The following RLF variants were observed in gnomAD, a reference collection of about 807,000 sequenced individuals.
RLF encodes the protein zinc finger protein Rlf.
A neutral mutation model predicts 162.9 loss-of-function variants in RLF; 7 were observed. The ratio of observed to expected loss-of-function variants is 0.04; its 90% CI spans 0.02 to 0.08. The LOEUF is 0.08. RLF is among the 10% of genes least tolerant of loss of function. RLF has a pLI of 1.00. For synonymous variants in RLF, 782 were observed against 791.5 expected (o/e 0.99, Z 0.20); for missense variants, 1,664 against 2,244.7 (o/e 0.74, Z 5.23).
chr1:40,185,517 TAAAAAAAAAA>T (rs769379758), intron 1 of RLF, among the ~76,000 whole-genome samples: 2 of 23,738 alleles, frequency 8.4e-5, no homozygotes, highest in East Asian at 2.1e-3. Flanking sequence ...AATCTTGCAT[TAAAAAAAAAA>T]AAAAAAAAAA....
chr1:40,165,753 A>T (rs896754082), intron 1 of RLF, among the ~76,000 whole-genome samples: 5 of 152,084 alleles, frequency 3.3e-5, no homozygotes, highest in African/African-American at 1.2e-4. Context: ...CTTGTTCGTC[A>T]CTTTATTCCC....
chr1:40,239,870 T>A lies in RLF; in HGVS notation c.5168T>A (p.Ile1723Asn). ...FTSFQLPLPR[I>N]KESETRQHSS... The stretch of plus-strand genomic sequence containing the variant: ...AGTTTCCAGCTGCCTTTACCAAGGA[T>A]CAAAGAATCAGAAACTAGGCAGCAT... Residue 1723 changes from isoleucine (I) to asparagine (N), a missense_variant, in exon 8 of 8, where the codon ATC becomes AAC. Physicochemically the swap from Ile to Asn is moderately radical, Grantham distance 149 (BLOSUM62 -3). Around this residue, in one of 15 missense-constraint regions of RLF, gnomAD observed 327 missense variants for 342.7 expected, o/e 0.95. Transcript: ENST00000372771. 6.2e-7 allele frequency: 1 copy of A among 1,613,806 alleles called. No individual in the cohort carries two copies. Among genetic ancestry groups the A allele is most frequent in the South Asian group, 1.1e-5 (1 of 91,082 alleles).
intron 1 of RLF, among the ~76,000 whole-genome samples, chr1:40,163,575 T>G (rs1243331064): frequency 2.6e-5 from 4 of 152,196 alleles, no homozygotes; most frequent in Admixed American, 2.6e-4. Flanking sequence ...AAAGAAAGCA[T>G]GTGTAATTTG....
intron 5 of RLF, among the ~76,000 whole-genome samples, chr1:40,213,418 T>G (rs1043582407): frequency 7.2e-5 from 11 of 152,310 alleles, no homozygotes; most frequent in African/African-American, 2.4e-4. Context: ...ATGGAAGCAT[T>G]GGTGACCATT....
At chr1:40,169,367 A>G (rs947625438) in intron 1 of RLF, among the ~76,000 whole-genome samples, 4 of 152,092 alleles carry the variant, frequency 2.6e-5, no homozygotes, top group Non-Finnish European at 5.9e-5. Flanking sequence ...CTGTAGTCCC[A>G]GCACTTTGGG....
intron 1 of RLF, among the ~76,000 whole-genome samples, chr1:40,179,339 A>G (rs1642374697): frequency 6.6e-6 from 1 of 152,206 alleles, no homozygotes; most frequent in Non-Finnish European, 1.5e-5. Flanking sequence ...TTTACCCAGC[A>G]TGATAAAGTT....
chr1:40,239,467 G>A lies in RLF; in HGVS notation c.4765G>A (p.Val1589Ile), dbSNP rs757684233. 6.2e-7 allele frequency: 1 copy of A among 1,613,942 alleles called. No individual in the cohort carries two copies. The highest frequency in any genetic ancestry group is 8.5e-7 in the Non-Finnish European group (1 of 1,179,992). The change falls in exon 8 of 8, where the codon GTT becomes ATT. Residue 1589 changes from valine to isoleucine, a missense_variant. This residue lies in a region of RLF where 327 missense variants were observed against 342.7 expected (regional missense o/e 0.95). Transcript: ENST00000372771. ...TTTAGAGCAACAGATGGAGAATCTTGTTGTTTGCGTTAAGTACGGTACCAA... is the reference window on the plus strand; with the variant it reads ...TTTAGAGCAACAGATGGAGAATCTTATTGTTTGCGTTAAGTACGGTACCAA... ...AYLEQQMENL[V>I]VCVKYGTKIK...
At position 40,202,825 on chromosome 1, in the gene RLF, T is replaced by G. The variant is rs141248437; in HGVS notation, c.810+211T>G. 7.8e-4 allele frequency among the ~76,000 whole-genome samples: 119 copies of G among 152,270 alleles called. 1 individual carries two copies. Among genetic ancestry groups the G allele is most frequent in the African/African-American group, 2.4e-3 (101 of 41,532 alleles). ...TTGAAAAGTAGATAACTAAAGAATA[T>G]ACAGAGGCATGTTTACTTATTTGGG... On this transcript the variant is annotated intron_variant, in intron 5 of 7. Coordinates refer to ENST00000372771, the MANE Select transcript of RLF (RefSeq NM_012421.4).
At chr1:40,220,800 A>G (rs1642981549) in intron 5 of RLF, among the ~76,000 whole-genome samples, 1 of 152,124 alleles carries the variant, frequency 6.6e-6, no homozygotes, top group Non-Finnish European at 1.5e-5. Context: ...TTTATAGTCT[A>G]GCTGGAGAGC....
chr1:40,236,118 G>T lies in RLF; in HGVS notation c.1416G>T (p.Trp472Cys). 6.2e-7 allele frequency: 1 copy of T among 1,613,950 alleles called. No individual in the cohort carries two copies. Among genetic ancestry groups the T allele is most frequent in the Non-Finnish European group, 8.5e-7 (1 of 1,179,958 alleles). Reference protein sequence around the residue: ...HWPFDPEFWDWKTLKRHCHQL... With the variant: ...HWPFDPEFWDCKTLKRHCHQL... ...CTTTTGATCCTGAGTTTTGGGACTG[G>T]AAAACTTTAAAACGACACTGCCACC... Residue 472 changes from tryptophan (W) to cysteine (C), a missense_variant, in exon 8 of 8, where the codon TGG becomes TGT. Trp to Cys is a radical substitution (Grantham distance 215, BLOSUM62 -2). Coordinates refer to ENST00000372771, the MANE Select transcript of RLF (RefSeq NM_012421.4). This position sits in a 1 kb window ranked among gnomAD's most constrained non-coding sequence, Gnocchi z 7.7.
In RLF at chr1:40,180,587, C is replaced by G. The variant is rs181284998; in HGVS notation, c.238-8468C>G. ...TCTTTTATTTTACATGATAGTCAAT[C>G]CTAATGGGTGCGAAGTCGTATCTCA... On this transcript the variant is annotated intron_variant, in intron 1 of 7. Coordinates refer to ENST00000372771, the MANE Select transcript of RLF (RefSeq NM_012421.4). 1.3e-3 allele frequency among the ~76,000 whole-genome samples: 195 copies of G among 152,174 alleles called. 6 individuals carry two copies. In the South Asian group the frequency reaches 0.027, roughly 21 times the overall value.
At chr1:40,206,183 G>GT (rs1250660108) in intron 5 of RLF, among the ~76,000 whole-genome samples, 1 of 151,854 alleles carries the variant, frequency 6.6e-6, no homozygotes, top group African/African-American at 2.4e-5. Context: ...TTTTATGAGG[G>GT]TTTTTTTTAG....
Position 40,171,008 on chromosome 1 carries a change from G to GT in RLF, c.237+9377dup, listed in dbSNP as rs1376963114. Among the ~76,000 whole-genome samples the GT allele has an allele frequency of 9.3e-5, 13 of 139,072 alleles. 1 individual carries two copies. Among genetic ancestry groups the GT allele is most frequent in the East Asian group, 3.9e-4 (2 of 5,090 alleles). 91.2% of individuals were successfully genotyped at this position (139,072 alleles called of 152,430 possible). ...TGGTGCTGACATTTGATTTGATAGT[G>GT]TTTTTGTTTGTTTGTTTGTTTGTTT... On this transcript the variant is annotated intron_variant, in intron 1 of 7. Transcript: ENST00000372771.
At chr1:40,182,575 T>C (rs1213830457) in intron 1 of RLF, among the ~76,000 whole-genome samples, 1 of 152,208 alleles carries the variant, frequency 6.6e-6, no homozygotes, top group African/African-American at 2.4e-5. Flanking sequence ...TATGTTACTT[T>C]TATGACAAGA....
rs1642087920 is a variant in RLF at position 40,161,716 on chromosome 1, G to A, written c.237+80G>A. On this transcript the variant is annotated intron_variant, in intron 1 of 7. Transcript: ENST00000372771. The surrounding 1 kb of genome is among the most constrained non-coding windows in gnomAD (Gnocchi z 4.4). ...GGCCCTGGATCCTCTGTAAGCAGCC[G>A]GGTCCAAACTGAAAGGCGCCACCTC... 6.5e-7 allele frequency: 1 copy of A among 1,541,664 alleles called. No individual in the cohort carries two copies. The highest frequency in any genetic ancestry group is 2.2e-5 in the Admixed American group (1 of 45,924).
At chr1:40,168,707 T>C (rs971760116) in intron 1 of RLF, among the ~76,000 whole-genome samples, 2 of 152,080 alleles carry the variant, frequency 1.3e-5, no homozygotes, top group Non-Finnish European at 2.9e-5. Flanking sequence ...AAATAATATG[T>C]TTTGGCCGTG....
At position 40,169,488 on chromosome 1, in the gene RLF, C is replaced by T. The variant is rs1298290289; in HGVS notation, c.237+7852C>T. On this transcript the variant is annotated intron_variant, in intron 1 of 7. Coordinates refer to ENST00000372771, the MANE Select transcript of RLF (RefSeq NM_012421.4). ...AAAATTAGCCGGGCGCGGTGGCGGG[C>T]GCCTGTGGTCCCAGCTACTCGGGAG... is the stretch of plus-strand genomic sequence containing the variant. Among the ~76,000 whole-genome samples the T allele has an allele frequency of 6.0e-5, 9 of 150,636 alleles. No individual in the cohort carries two copies. The East Asian group carries it at 1.8e-3, about 30-fold the overall frequency.
At chr1:40,201,032 AAC>A (rs1186760177) in intron 4 of RLF, among the ~76,000 whole-genome samples, 1 of 46,144 alleles carries the variant, frequency 2.2e-5, no homozygotes. Context: ...TACACACACA[AAC>A]ACACACACCC....
intron 1 of RLF, among the ~76,000 whole-genome samples, chr1:40,168,945 A>T (rs918975578): frequency 6.6e-6 from 1 of 152,112 alleles, no homozygotes; most frequent in Non-Finnish European, 1.5e-5. Flanking sequence ...GTGGGCAGAA[A>T]TCATGCCGTT....
Sources: gnomAD v4.1 joint callset for allele counts (sites outside exome capture counted in the v4.1 genomes callset) on GRCh38, gnomAD v4.1.1 for gene constraint, gnomAD v4.1.1 regional missense constraint, Gnocchi (gnomAD v3.1) non-coding constraint, MANE v1.5 for transcripts, NCBI Gene and HGNC (gene_info 2026-07-23, HGNC 2026-07-21) for gene names.